Variants in MAML2 observed in about 807,000 individuals in gnomAD.
MAML2 encodes the protein mastermind-like protein 2.
MAML2 carries 22 observed loss-of-function variants against 96.1 expected under a neutral mutation model. The ratio of observed to expected loss-of-function variants is 0.23; its 90% CI spans 0.16 to 0.33. MAML2 has a LOEUF of 0.33. Among genes scored for constraint, MAML2 ranks in the 10% least tolerant of loss-of-function variants. The pLI is 1.00. For missense variants in MAML2, 1,367 were observed against 1,392.4 expected (o/e 0.98, Z 0.29); for synonymous variants, 561 against 521.3 (o/e 1.08, Z -1.04).
chr11:96,255,163 G>C (rs936783144), intron 1 of MAML2, among the ~76,000 whole-genome samples: 1 of 152,178 alleles, frequency 6.6e-6, no homozygotes, highest in Admixed American at 6.5e-5. Context: ...ATATGATCAT[G>C]TCACTTCCCT....
intron 1 of MAML2, among the ~76,000 whole-genome samples, chr11:96,171,200 C>G (rs531376974): frequency 3.0e-4 from 46 of 152,196 alleles, no homozygotes; most frequent in African/African-American, 1.1e-3. Flanking sequence ...GAAGAGTGAA[C>G]TGGGCTATCA....
In MAML2 at chr11:96,179,863, C is replaced by G. The variant is rs146361993; in HGVS notation, c.514-86346G>C. On this transcript the variant is annotated intron_variant, in intron 1 of 4. Transcript: ENST00000524717. Reference sequence around the variant, plus strand: ...TTCTCAGAGAAGAGCCACCTTGGTTCAGGTACCAATCCATGGTTCAGCCAG... The same window carrying G: ...TTCTCAGAGAAGAGCCACCTTGGTTGAGGTACCAATCCATGGTTCAGCCAG... 6.6e-3 allele frequency among the ~76,000 whole-genome samples: 1,007 copies of G among 152,300 alleles called. 8 individuals are homozygous for G. Among genetic ancestry groups the G allele is most frequent in the African/African-American group, 0.022 (909 of 41,564 alleles).
chr11:96,047,895 G>A (rs1858927705), intron 2 of MAML2, among the ~76,000 whole-genome samples: 1 of 119,650 alleles, frequency 8.4e-6, no homozygotes, highest in Non-Finnish European at 1.6e-5. Flanking sequence ...CTGGGCGACA[G>A]GCAAGACTCT....
chr11:96,199,295 C>A (rs1182333558), intron 1 of MAML2, among the ~76,000 whole-genome samples: 1 of 150,610 alleles, frequency 6.6e-6, no homozygotes, highest in Non-Finnish European at 1.5e-5. Context: ...TAGCAGCCAT[C>A]TTGTCCGTGA....
At chr11:96,027,757 T>C (rs1374783647) in intron 2 of MAML2, among the ~76,000 whole-genome samples, 1 of 152,162 alleles carries the variant, frequency 6.6e-6, no homozygotes, top group African/African-American at 2.4e-5. Flanking sequence ...TTTGAGACAG[T>C]GTCTCATTCT....
intron 2 of MAML2, among the ~76,000 whole-genome samples, chr11:96,080,548 T>C (rs1025445870): frequency 2.0e-5 from 3 of 152,202 alleles, no homozygotes; most frequent in Non-Finnish European, 4.4e-5. Context: ...GCCTGATGAG[T>C]CAAGGTAAAA....
chr11:96,226,965 T>C (rs576102198), intron 1 of MAML2, among the ~76,000 whole-genome samples: 3 of 152,274 alleles, frequency 2.0e-5, no homozygotes, highest in East Asian at 3.9e-4. Flanking sequence ...CAGTAAAAAA[T>C]GTTACGTTCA....
chr11:96,125,043 T>C (rs1167927213), intron 1 of MAML2, among the ~76,000 whole-genome samples: 2 of 152,188 alleles, frequency 1.3e-5, no homozygotes, highest in Non-Finnish European at 2.9e-5. Flanking sequence ...TATTATTTTA[T>C]TATTACCTTT....
chr11:96,322,952 C>G (rs1335172053), intron 1 of MAML2, among the ~76,000 whole-genome samples: 7 of 152,122 alleles, frequency 4.6e-5, no homozygotes, highest in African/African-American at 1.7e-4. Flanking sequence ...GTTCTTTCGC[C>G]CTTGGAACCC....
chr11:96,149,799 T>C (rs1272457356), intron 1 of MAML2, among the ~76,000 whole-genome samples: 1 of 152,090 alleles, frequency 6.6e-6, no homozygotes, highest in East Asian at 1.9e-4. Context: ...TCTGTCTCCT[T>C]CTCTTTGTCT....
chr11:96,229,274 T>A (rs1862256729), intron 1 of MAML2, among the ~76,000 whole-genome samples: 1 of 152,078 alleles, frequency 6.6e-6, no homozygotes, highest in Non-Finnish European at 1.5e-5. Flanking sequence ...ATACATAATT[T>A]AAAATGTTGT....
At chr11:96,250,225 T>C (rs1862564439) in intron 1 of MAML2, among the ~76,000 whole-genome samples, 1 of 151,960 alleles carries the variant, frequency 6.6e-6, no homozygotes, top group South Asian at 2.1e-4. Context: ...TTTTCTTTTT[T>C]ATTTAAAAAA....
intron 1 of MAML2, among the ~76,000 whole-genome samples, chr11:96,272,810 G>A (rs1234391235): frequency 1.3e-5 from 2 of 152,158 alleles, no homozygotes; most frequent in South Asian, 4.1e-4. Flanking sequence ...AGCTATTTAA[G>A]CCTTCGACTT....
rs1862997344 is a variant in MAML2, at chr11:96,276,921, AT to A, written c.513+64461del. 6.6e-5 allele frequency among the ~76,000 whole-genome samples: 10 copies of A among 151,354 alleles called. No homozygotes were observed. In the South Asian group the frequency reaches 2.1e-3, roughly 32 times the overall value. The stretch of plus-strand genomic sequence containing the variant: ...ATAGTACTATGATAAATATTGTAAG[AT>A]TTATGCACTCATCCCACTGATATTT... On this transcript the variant is annotated intron_variant, in intron 1 of 4. Transcript: ENST00000524717.
At chr11:96,101,768 A>G (rs1859935080) in intron 1 of MAML2, among the ~76,000 whole-genome samples, 1 of 142,988 alleles carries the variant, frequency 7.0e-6, no homozygotes, top group African/African-American at 2.5e-5. Flanking sequence ...CATCCTGACT[A>G]TCCTATGGAC....
At chr11:96,103,633 C>T (rs1859971360) in intron 1 of MAML2, among the ~76,000 whole-genome samples, 1 of 152,188 alleles carries the variant, frequency 6.6e-6, no homozygotes, top group African/African-American at 2.4e-5. Context: ...AGTGGTTTAC[C>T]CAACATCAAT....
At chr11:96,152,947 A>G (rs1860947422) in intron 1 of MAML2, among the ~76,000 whole-genome samples, 1 of 152,214 alleles carries the variant, frequency 6.6e-6, no homozygotes, top group African/African-American at 2.4e-5. Context: ...GGAGGAACCA[A>G]GGAGGACACT....
chr11:95,994,423 C>T (rs1014692373), intron 2 of MAML2, among the ~76,000 whole-genome samples: 3 of 152,114 alleles, frequency 2.0e-5, no homozygotes, highest in Non-Finnish European at 4.4e-5. Context: ...GACTTGGAGA[C>T]AAGTACTTGA....
chr11:96,267,632 A>G (rs778982331), intron 1 of MAML2, among the ~76,000 whole-genome samples: 3 of 152,186 alleles, frequency 2.0e-5, no homozygotes, highest in African/African-American at 4.8e-5. Context: ...AGGAATAAAA[A>G]TTCTATGTAG....
Sources: allele counts gnomAD v4.1 joint callset (sites outside exome capture counted in the v4.1 genomes callset), GRCh38; gene constraint gnomAD v4.1.1; transcripts MANE v1.5; gene names NCBI Gene and HGNC (gene_info 2026-07-23, HGNC 2026-07-21).